The following CUL2 variants were observed in gnomAD, a reference collection of about 807,000 sequenced individuals.
The protein encoded by CUL2 is cullin 2.
Under a neutral mutation model 110.2 loss-of-function variants are expected in CUL2, and 22 were observed. The ratio of observed to expected loss-of-function variants is 0.20; its 90% CI spans 0.14 to 0.28. CUL2 has a LOEUF of 0.28. Among genes scored for constraint, CUL2 ranks in the 10% least tolerant of loss-of-function variants. The pLI, the probability that CUL2 is intolerant of heterozygous loss-of-function variation, is 1.00. For missense variants in CUL2, 631 were observed against 905.5 expected, an observed-to-expected ratio of 0.70 and a Z score of 3.89; for synonymous variants, 279 against 293.2, an observed-to-expected ratio of 0.95 and a Z score of 0.49.
intron 16 of CUL2, among the ~76,000 whole-genome samples, chr10:35,026,746 AC>A (rs2085344649): frequency 1.3e-5 from 2 of 152,194 alleles, no homozygotes; most frequent in Admixed American, 6.5e-5. Flanking sequence ...AAGTTATAAA[AC>A]CTTCCTTGAT....
At chr10:35,051,542 G>A (rs748502141) in intron 5 of CUL2, among the ~76,000 whole-genome samples, 5 of 152,186 alleles carry the variant, frequency 3.3e-5, no homozygotes, top group Admixed American at 6.6e-5. Context: ...GAACCGGCCG[G>A]GCGGAGCCTG....
intron 6 of CUL2, among the ~76,000 whole-genome samples, chr10:35,048,701 C>G (rs771108880): frequency 4.6e-5 from 7 of 152,182 alleles, no homozygotes; most frequent in African/African-American, 7.2e-5. Context: ...AGCTCTCTAT[C>G]TCTAAAAACA....
chr10:35,051,199 C>T (rs1368985743), intron 5 of CUL2, among the ~76,000 whole-genome samples: 2 of 151,652 alleles, frequency 1.3e-5, no homozygotes, highest in African/African-American at 4.9e-5. Context: ...CCTATAGTCC[C>T]AGCTATGCGG....
At chr10:35,047,031 G>A (rs1341209652) in intron 6 of CUL2, among the ~76,000 whole-genome samples, 1 of 152,162 alleles carries the variant, frequency 6.6e-6, no homozygotes, top group Non-Finnish European at 1.5e-5. Flanking sequence ...GTGAGAAGAA[G>A]CATATCTTGA....
In CUL2 at chr10:35,008,853, A is replaced by G. The variant is rs2084824026; in HGVS notation, c.*1458T>C. On this transcript the variant is annotated 3_prime_UTR_variant, in exon 21 of 21. Coordinates refer to ENST00000374749, the MANE Select transcript of CUL2 (RefSeq NM_003591.4). ...TGTTTTTGTTAGGAGTAATAATATC[A>G]CTGTGGATTTTTTAAAGGCCTTACT... 1 of 152,140 alleles carries G rather than the reference A, an allele frequency of 6.6e-6. No individual in the cohort carries two copies. Among genetic ancestry groups the G allele is most frequent in the African/African-American group, 2.4e-5 (1 of 41,446 alleles). 9.4% of individuals were successfully genotyped at this position (152,140 alleles called of 1,614,324 possible). A position where few individuals can be genotyped will look rare whatever the true frequency, so the allele number is the denominator to read the frequency against.
chr10:35,099,608 T>TA (rs1182878371), intron 2 of CUL2: 1 of 151,758 alleles, frequency 6.6e-6, no homozygotes, highest in Non-Finnish European at 1.5e-5. Context: ...CTACTAAAAA[T>TA]AAAAAAATAA....
Position 35,017,959 on chromosome 10 carries a change from C to A in CUL2, c.1685-1565G>T, listed in dbSNP as rs184048012. 4.6e-5 allele frequency among the ~76,000 whole-genome samples: 7 copies of A among 151,416 alleles called. No homozygotes were observed. The East Asian group carries it at 1.4e-3, about 29-fold the overall frequency. ...CGAAGTTGTGGTTTGACGACTAACACACACACGGCCTGCATTATTTGATTG... is the reference window on the plus strand; with the variant it reads ...CGAAGTTGTGGTTTGACGACTAACAAACACACGGCCTGCATTATTTGATTG... On this transcript the variant is annotated intron_variant, in intron 17 of 20. Coordinates refer to ENST00000374749, the MANE Select transcript of CUL2 (RefSeq NM_003591.4).
At chr10:35,061,245 G>A (rs1037592576) in intron 3 of CUL2, among the ~76,000 whole-genome samples, 7 of 151,996 alleles carry the variant, frequency 4.6e-5, no homozygotes, top group East Asian at 3.9e-4. Flanking sequence ...AGGCCAAGGC[G>A]GGTGGATCAC....
chr10:35,112,238 C>T (rs1369452133), intron 1 of CUL2, among the ~76,000 whole-genome samples: 1 of 152,266 alleles, frequency 6.6e-6, no homozygotes, highest in Non-Finnish European at 1.5e-5. Context: ...CTGCTTTCAG[C>T]GAAGATGGAA....
At chr10:35,106,791 C>T (rs2087462605) in intron 1 of CUL2, among the ~76,000 whole-genome samples, 1 of 151,752 alleles carries the variant, frequency 6.6e-6, no homozygotes, top group Non-Finnish European at 1.5e-5. Flanking sequence ...TGGTTATGAT[C>T]TGAAAAAGGA....
chr10:35,031,897 T>A lies in CUL2; in HGVS notation c.1171-278A>T, dbSNP rs2085488599. Among the ~76,000 whole-genome samples the A allele has an allele frequency of 6.6e-6, 1 of 152,186 alleles. No individual in the cohort carries two copies. Among genetic ancestry groups the A allele is most frequent in the Non-Finnish European group, 1.5e-5 (1 of 68,040 alleles). On this transcript the variant is annotated intron_variant, in intron 12 of 20. Coordinates refer to ENST00000374749, the MANE Select transcript of CUL2 (RefSeq NM_003591.4). This position sits in a 1 kb window ranked among gnomAD's most constrained non-coding sequence, Gnocchi z 4.4. The stretch of plus-strand genomic sequence containing the variant: ...CAACCACACCAGGCTTCTAAAGCTT[T>A]ATGTAATAATCATAAATGTAAACTA...
intron 20 of CUL2, 119 bp from the exon 21 acceptor site, chr10:35,010,561 T>A: frequency 2.3e-6 from 2 of 886,540 alleles, no homozygotes; most frequent in Non-Finnish European, 3.2e-6. Context: ...TGGGCCAAAT[T>A]AAGTATGAAA....
intron 20 of CUL2, 48 bp downstream of exon 20, chr10:35,011,800 G>T: frequency 1.1e-6 from 1 of 941,964 alleles, no homozygotes; most frequent in South Asian, 1.4e-5. Flanking sequence ...TCTGTACAAT[G>T]ACAATGCCCT....
chr10:35,049,448 A>G (rs2086034316), intron 6 of CUL2, among the ~76,000 whole-genome samples: 1 of 152,052 alleles, frequency 6.6e-6, no homozygotes, highest in Non-Finnish European at 1.5e-5. Flanking sequence ...TACTAAGCAT[A>G]TTAGGGTATA....
At chr10:35,037,947 A>G (rs2085668217) in intron 9 of CUL2, among the ~76,000 whole-genome samples, 1 of 151,694 alleles carries the variant, frequency 6.6e-6, no homozygotes, top group Non-Finnish European at 1.5e-5. Context: ...TGAGGTCAGG[A>G]GCTCAAGACC....
In CUL2 at chr10:35,115,056, A is replaced by C. The variant is rs191520855; in HGVS notation, c.-51+11549T>G. The stretch of plus-strand genomic sequence containing the variant: ...GCAAAACCCCATCTCTACTAAAAAT[A>C]CAAAAATTAGCTGGATGTGATGATG... On this transcript the variant is annotated intron_variant, in intron 1 of 5. Coordinates refer to the CUL2 transcript ENST00000685421. 7.2e-5 allele frequency among the ~76,000 whole-genome samples: 11 copies of C among 151,972 alleles called. No homozygotes were observed. The East Asian group carries it at 2.0e-3, about 27-fold the overall frequency.
At chr10:35,049,628 A>C in intron 6 of CUL2, 55 bp downstream of exon 6, 1 of 1,454,808 alleles carries the variant, frequency 6.9e-7, no homozygotes, top group Non-Finnish European at 9.6e-7. Context: ...CTATTTTAAA[A>C]CCATATCAAA....
At chr10:35,085,021 G>A (rs2087027262) in intron 1 of CUL2, among the ~76,000 whole-genome samples, 1 of 152,122 alleles carries the variant, frequency 6.6e-6, no homozygotes, top group Non-Finnish European at 1.5e-5. Context: ...TTGGGAAGCT[G>A]AGGCAGGAGA....
intron 1 of CUL2, among the ~76,000 whole-genome samples, chr10:35,077,462 A>G (rs1335041562): frequency 6.6e-6 from 1 of 152,004 alleles, no homozygotes; most frequent in Non-Finnish European, 1.5e-5. Flanking sequence ...ATGCCACTGC[A>G]CTCCACTCTG....
Sources: allele counts gnomAD v4.1 joint callset (sites outside exome capture counted in the v4.1 genomes callset), GRCh38; gene constraint gnomAD v4.1.1; non-coding constraint Gnocchi (gnomAD v3.1); transcripts MANE v1.5; gene names NCBI Gene and HGNC (gene_info 2026-07-23, HGNC 2026-07-21).